RAE1: variants seen among roughly 807,000 people sequenced by gnomAD.
RAE1 encodes ribonucleic acid export 1.
RAE1 carries 13 observed loss-of-function variants against 52.7 expected under a neutral mutation model. That is an observed-to-expected ratio of 0.25 (90% confidence interval 0.16 to 0.39). The LOEUF is 0.39. Among genes scored for constraint, RAE1 ranks in the 10% least tolerant of loss-of-function variants. RAE1 has a pLI of 1.00. For synonymous variants in RAE1, 164 were observed against 153.1 expected (o/e 1.07, Z -0.52); for missense variants, 262 against 459.8 (o/e 0.57, Z 3.93).
chr20:57,366,940 T>C (rs760401707), intron 6 of RAE1, 47 bp downstream of exon 6: 1 of 1,588,994 alleles, frequency 6.3e-7, no homozygotes, highest in South Asian at 1.1e-5. Context: ...AGGATTGTCA[T>C]TTATTTTTGC....
chr20:57,365,538 A>G, intron 5 of RAE1, 96 bp downstream of exon 5: 1 of 863,612 alleles, frequency 1.2e-6, no homozygotes, highest in Non-Finnish European at 1.7e-6. Flanking sequence ...TAATAAGAAA[A>G]CGTGCAGTTA....
chr20:57,351,438 C>G lies in RAE1; in HGVS notation c.-8+16C>G, dbSNP rs2066706897. 1.0e-6 allele frequency: 1 copy of G among 985,354 alleles called. No homozygotes were observed. Among genetic ancestry groups the G allele is most frequent in the South Asian group, 4.7e-5 (1 of 21,292 alleles). 61.0% of individuals were successfully genotyped at this position (985,354 alleles called of 1,614,324 possible). ...AGACCCCCAGGTAGGCCCCGTGCCG[C>G]GCGCGTCCCGTCGTTAACCGCCGCC... On this transcript the variant is annotated intron_variant, in intron 1 of 11. Coordinates refer to ENST00000395841, the MANE Select transcript of RAE1 (RefSeq NM_003610.4).
At chr20:57,376,361 C>T (rs756385340) in intron 11 of RAE1, among the ~76,000 whole-genome samples, 5 of 152,198 alleles carry the variant, frequency 3.3e-5, no homozygotes, top group Admixed American at 6.5e-5. Flanking sequence ...GTCATCTCCC[C>T]GAAAGGTTTT....
Position 57,355,389 on chromosome 20 carries a change from T to A in RAE1, c.195+573T>A, listed in dbSNP as rs184780516. Among the ~76,000 whole-genome samples, 12 of 152,346 alleles carry A rather than the reference T, an allele frequency of 7.9e-5. No homozygotes were observed. The East Asian group carries it at 1.7e-3, about 22-fold the overall frequency. On this transcript the variant is annotated intron_variant, in intron 3 of 11. Transcript: ENST00000395841. ...TAAATGCAAATTTAAGACTTTTTTT[T>A]ATTAAATTAACAAAATTAAAAGTTT...
chr20:57,366,767 AC>A (rs1394609084), intron 5 of RAE1, 39 bp from the exon 6 acceptor site: 2 of 1,533,940 alleles, frequency 1.3e-6, no homozygotes, highest in Non-Finnish European at 1.8e-6. Context: ...GCACATTCTT[AC>A]ATTTACCTTG....
chr20:57,378,214 T>C lies in RAE1; in HGVS notation c.*115T>C. 1 of 845,284 alleles carries C rather than the reference T, an allele frequency of 1.2e-6. No individual in the cohort carries two copies. The highest frequency in any genetic ancestry group is 1.8e-6 in the Non-Finnish European group (1 of 556,204). 52.4% of individuals were successfully genotyped at this position (845,284 alleles called of 1,614,324 possible). ...AGCCATGGACATGGATTTCAACCCCTGGAGAAAACGATGTCATTGTTCAGC... is the reference window on the plus strand; with the variant it reads ...AGCCATGGACATGGATTTCAACCCCCGGAGAAAACGATGTCATTGTTCAGC... On this transcript the variant is annotated 3_prime_UTR_variant, in exon 12 of 12. Transcript: ENST00000395841.
intron 4 of RAE1, among the ~76,000 whole-genome samples, chr20:57,361,512 C>T (rs1450061824): frequency 6.6e-6 from 1 of 152,076 alleles, no homozygotes; most frequent in African/African-American, 2.4e-5. Flanking sequence ...GGGGAGTTTG[C>T]GGATTTATTC....
intron 4 of RAE1, among the ~76,000 whole-genome samples, chr20:57,360,753 A>G (rs2066879996): frequency 6.6e-6 from 1 of 152,222 alleles, no homozygotes; most frequent in Non-Finnish European, 1.5e-5. Flanking sequence ...CGGGCACGAA[A>G]TTAACCAACC....
intron 8 of RAE1, 50 bp downstream of exon 8, chr20:57,368,862 C>T (rs1336236597): frequency 6.4e-6 from 9 of 1,416,528 alleles, no homozygotes; most frequent in Non-Finnish European, 8.9e-6. Context: ...CTGTTGTATG[C>T]AAGATTGTGC....
intron 10 of RAE1, among the ~76,000 whole-genome samples, chr20:57,374,266 TCTCC>T (rs1405221592): frequency 6.6e-6 from 1 of 152,172 alleles, no homozygotes; most frequent in African/African-American, 2.4e-5. Flanking sequence ...CCGAGAGTCT[TCTCC>T]CTCCCTCAGG....
At chr20:57,360,577 A>G (rs1243806048) in intron 4 of RAE1, among the ~76,000 whole-genome samples, 5 of 152,188 alleles carry the variant, frequency 3.3e-5, no homozygotes, top group Non-Finnish European at 7.3e-5. Flanking sequence ...CTAAGCATAG[A>G]GGGGTATCTA....
intron 11 of RAE1, among the ~76,000 whole-genome samples, chr20:57,377,143 T>A (rs2067127683): frequency 6.6e-6 from 1 of 152,218 alleles, no homozygotes; most frequent in African/African-American, 2.4e-5. Context: ...TAGTGGTCAC[T>A]GTTGAGCAAA....
At chr20:57,367,461 G>T (rs1379499535) in intron 7 of RAE1, among the ~76,000 whole-genome samples, 1 of 151,970 alleles carries the variant, frequency 6.6e-6, no homozygotes, top group South Asian at 2.1e-4. Flanking sequence ...GAACTTTCTC[G>T]GCCAGGCATG....
At chr20:57,373,327 A>T in intron 8 of RAE1, 148 bp from the exon 9 acceptor site, 2 of 696,858 alleles carry the variant, frequency 2.9e-6, no homozygotes, top group Non-Finnish European at 4.8e-6. Flanking sequence ...AAGGAGTTAG[A>T]AAGCAATGCT....
chr20:57,355,344 C>T (rs1252403258), intron 3 of RAE1, among the ~76,000 whole-genome samples: 2 of 152,170 alleles, frequency 1.3e-5, no homozygotes, highest in African/African-American at 4.8e-5. Flanking sequence ...CTGAACCATT[C>T]ATCCATGCTT....
intron 2 of RAE1, among the ~76,000 whole-genome samples, chr20:57,354,354 G>A (rs373293774): frequency 2.0e-5 from 3 of 152,288 alleles, no homozygotes; most frequent in Admixed American, 6.5e-5. Flanking sequence ...TGCAGATTCC[G>A]GTGCAGATTC....
intron 10 of RAE1, 59 bp from the exon 11 acceptor site, chr20:57,374,548 G>T (rs147248651): frequency 1.1e-3 from 1,668 of 1,491,374 alleles, no homozygotes; most frequent in Non-Finnish European, 1.4e-3. Context: ...GTGTGCGTGG[G>T]TGGAACCTTC....
chr20:57,364,089 T>C (rs1480341401), intron 4 of RAE1, among the ~76,000 whole-genome samples: 9 of 152,118 alleles, frequency 5.9e-5, no homozygotes, highest in Admixed American at 5.9e-4. Flanking sequence ...GACATGTAGG[T>C]AAAGGCACAG....
chr20:57,373,573 C>G lies in RAE1; in HGVS notation c.741C>G (p.Pro247=). The G allele has an allele frequency of 6.2e-7, 1 of 1,613,908 alleles. No homozygotes were observed. The highest frequency in any genetic ancestry group is 1.1e-5 in the South Asian group (1 of 91,072). ...EGRVAIHYIN[P]PNPAKDNFTF... is the part of the protein sequence containing the mutation. Reference sequence around the variant, plus strand: ...GAGTTGCTATTCACTATATCAACCCCCCGAACCCGTAAGTGTGACTCTGTC... The same window carrying G: ...GAGTTGCTATTCACTATATCAACCCGCCGAACCCGTAAGTGTGACTCTGTC... The change falls in exon 9 of 12, where the codon CCC becomes CCG. Residue 247 remains proline (P), a synonymous_variant. Coordinates refer to ENST00000395841, the MANE Select transcript of RAE1 (RefSeq NM_003610.4).
Sources: allele counts gnomAD v4.1 joint callset (sites outside exome capture counted in the v4.1 genomes callset), GRCh38; gene constraint gnomAD v4.1.1; transcripts MANE v1.5; gene names NCBI Gene and HGNC (gene_info 2026-07-23, HGNC 2026-07-21).